The following AKAP19 variants were observed in gnomAD, a reference collection of about 807,000 sequenced individuals.
The protein encoded by AKAP19 is A-kinase anchoring protein 19.
At chr2:190,117,079 T>G in the AKAP19 span, among the ~76,000 whole-genome samples, 2 of 152,224 alleles carry the variant, frequency 1.3e-5, no homozygotes, top group African/African-American at 4.8e-5. Context: ...ATCTCTAAAA[T>G]GTAAGTGGCT....
chr2:189,951,194 C>CTTTTT, the AKAP19 span, among the ~76,000 whole-genome samples: 16 of 60,424 alleles, frequency 2.6e-4, no homozygotes, highest in African/African-American at 5.9e-4. Flanking sequence ...CTGAATCCTC[C>CTTTTT]TTTTTTTTTT....
the AKAP19 span, among the ~76,000 whole-genome samples, chr2:189,951,946 A>G: frequency 6.6e-6 from 1 of 152,224 alleles, no homozygotes; most frequent in Non-Finnish European, 1.5e-5. Context: ...AACATTCTTA[A>G]CACTGGAGAC....
the AKAP19 span, among the ~76,000 whole-genome samples, chr2:190,080,302 C>T: frequency 0.024 from 3,725 of 152,284 alleles, 102 homozygotes; most frequent in East Asian, 0.066. Context: ...AATAAAGACA[C>T]AATGCCCCTG....
chr2:190,000,570 T>C, the AKAP19 span, among the ~76,000 whole-genome samples: 1 of 152,246 alleles, frequency 6.6e-6, no homozygotes, highest in African/African-American at 2.4e-5. Context: ...TTCTATAATG[T>C]TTCTTGGAAC....
At chr2:189,944,137 A>G in the AKAP19 span, among the ~76,000 whole-genome samples, 5 of 152,250 alleles carry the variant, frequency 3.3e-5, no homozygotes, top group African/African-American at 9.6e-5. Context: ...GCAGAGTGAT[A>G]TAGTTTAGAT....
chr2:190,167,347 C>T, the AKAP19 span, among the ~76,000 whole-genome samples: 1 of 152,170 alleles, frequency 6.6e-6, no homozygotes, highest in Non-Finnish European at 1.5e-5. Flanking sequence ...CTGGGTCCCT[C>T]CCACAACACG....
chr2:190,126,991 T>C, the AKAP19 span, among the ~76,000 whole-genome samples: 1 of 152,112 alleles, frequency 6.6e-6, no homozygotes, highest in East Asian at 1.9e-4. Flanking sequence ...TTCAGCATAT[T>C]TCAGTACAGC....
At chr2:189,893,926 A>G in the AKAP19 span, among the ~76,000 whole-genome samples, 2 of 152,216 alleles carry the variant, frequency 1.3e-5, no homozygotes, top group African/African-American at 4.8e-5. Flanking sequence ...GGGCATATCA[A>G]GAGATGACTG....
the AKAP19 span, among the ~76,000 whole-genome samples, chr2:190,021,092 G>T: frequency 2.0e-5 from 3 of 152,084 alleles, no homozygotes; most frequent in South Asian, 2.1e-4. Flanking sequence ...TCTGAACATG[G>T]ATATCCAAAT....
the AKAP19 span, among the ~76,000 whole-genome samples, chr2:189,962,635 G>A: frequency 6.6e-6 from 1 of 152,038 alleles, no homozygotes; most frequent in Non-Finnish European, 1.5e-5. Context: ...GTTACCTCTG[G>A]GCAGAGAAGA....
At chr2:190,018,419 T>C in the AKAP19 span, among the ~76,000 whole-genome samples, 1 of 152,168 alleles carries the variant, frequency 6.6e-6, no homozygotes, top group African/African-American at 2.4e-5. Context: ...TTATTGAGCC[T>C]ACTGTTGGAG....
chr2:190,045,821 CA>C, the AKAP19 span, among the ~76,000 whole-genome samples: 76 of 152,296 alleles, frequency 5.0e-4, no homozygotes, highest in Middle Eastern at 3.4e-3. Flanking sequence ...GCCAGAGCTG[CA>C]GCTACTTTTG....
At chr2:190,056,896 A>G in the AKAP19 span, 1 of 228,986 alleles carries the variant, frequency 4.4e-6, no homozygotes, top group African/African-American at 2.3e-5. Context: ...TTTTCTGTAA[A>G]TATTAAACAA....
At chr2:190,100,630 T>C in the AKAP19 span, among the ~76,000 whole-genome samples, 5 of 152,108 alleles carry the variant, frequency 3.3e-5, no homozygotes, top group Non-Finnish European at 7.4e-5. Flanking sequence ...ATGTTTAAAA[T>C]ATGCACAGGG....
the AKAP19 span, among the ~76,000 whole-genome samples, chr2:190,080,689 G>A: frequency 6.6e-6 from 1 of 152,320 alleles, no homozygotes; most frequent in East Asian, 1.9e-4. Context: ...CAGGTTCTTT[G>A]GCCTTATGTG....
At chr2:189,971,803 C>A in the AKAP19 span, among the ~76,000 whole-genome samples, 1 of 148,890 alleles carries the variant, frequency 6.7e-6, no homozygotes, top group African/African-American at 2.5e-5. Flanking sequence ...CTGTTCATAT[C>A]CTTCACCCAC....
At chr2:189,941,818 A>G in the AKAP19 span, among the ~76,000 whole-genome samples, 4 of 152,346 alleles carry the variant, frequency 2.6e-5, no homozygotes, top group African/African-American at 9.6e-5. Flanking sequence ...GTCCTTATCA[A>G]TAATAGCACT....
chr2:190,007,382 A>G, the AKAP19 span, among the ~76,000 whole-genome samples: 2 of 152,248 alleles, frequency 1.3e-5, no homozygotes, highest in East Asian at 3.8e-4. Context: ...TCTGGGCTCC[A>G]TAAATCAAGG....
chr2:189,957,006 T>G, the AKAP19 span, among the ~76,000 whole-genome samples: 4 of 152,162 alleles, frequency 2.6e-5, no homozygotes, highest in Non-Finnish European at 5.9e-5. Context: ...TAAAACCTTG[T>G]CTCTACTAAA....
Sources: gnomAD v4.1 joint callset for allele counts (sites outside exome capture counted in the v4.1 genomes callset) on GRCh38, gnomAD v4.1.1 for gene constraint, MANE v1.5 for transcripts, NCBI Gene and HGNC (gene_info 2026-07-23, HGNC 2026-07-21) for gene names.